Variants in LOXHD1 observed in about 807,000 individuals in gnomAD.
The protein encoded by LOXHD1 is lipoxygenase homology domain-containing protein 1.
LOXHD1 carries 205 observed loss-of-function variants against 248.2 expected under a neutral mutation model. The ratio of observed to expected loss-of-function variants is 0.83; its 90% CI spans 0.74 to 0.93. The LOEUF is 0.93. LOXHD1 is among the 40% of genes least tolerant of loss of function. The probability of loss-of-function intolerance (pLI) is 0.00; values close to 1 mark genes in which losing one functional copy is unlikely to be tolerated. For missense variants in LOXHD1, 2,930 were observed against 2,971.6 expected (o/e 0.99, Z 0.33); for synonymous variants, 1,113 against 1,162.8 (o/e 0.96, Z 0.87).
chr18:46,606,334 A>G (rs982799689), intron 6 of LOXHD1, among the ~76,000 whole-genome samples: 1 of 138,358 alleles, frequency 7.2e-6, no homozygotes, highest in African/African-American at 2.5e-5. Context: ...AGTATACTGT[A>G]TATATATACA....
At chr18:46,496,113 A>G (rs532563321) in intron 37 of LOXHD1, among the ~76,000 whole-genome samples, 1 of 152,354 alleles carries the variant, frequency 6.6e-6, no homozygotes, top group Non-Finnish European at 1.5e-5. Flanking sequence ...CCCAGCAACC[A>G]AAAAGAAAAA....
intron 12 of LOXHD1, among the ~76,000 whole-genome samples, chr18:46,591,486 C>CCACA (rs1391711687): frequency 3.9e-5 from 6 of 152,342 alleles, no homozygotes; most frequent in African/African-American, 4.8e-5. Flanking sequence ...ACATTTAAAG[C>CCACA]TTAGTCCTTC....
Position 46,522,275 on chromosome 18 carries a change from C to T in LOXHD1, c.4911G>A (p.Lys1637=), listed in dbSNP as rs1049390097. 86 of 1,551,740 alleles carry T rather than the reference C, an allele frequency of 5.5e-5. No homozygotes were observed. Among genetic ancestry groups the T allele is most frequent in the Non-Finnish European group, 7.2e-5 (83 of 1,147,024 alleles). The change falls in exon 32 of 41, where the codon AAG becomes AAA. Residue 1637 remains lysine (K), a synonymous_variant. Coordinates refer to ENST00000642948, the MANE Select transcript of LOXHD1 (RefSeq NM_001384474.1). ...IPYYVSVTTG[K]HKDAATDSRA... The stretch of plus-strand genomic sequence containing the variant: ...GGCTGTCAGTGGCCGCGTCCTTGTG[C>T]TTCCCAGTGGTGACTGACACATAGT...
At chr18:46,618,323 A>T (rs781736449) in intron 4 of LOXHD1, 33 bp from the exon 5 acceptor site, 1 of 1,454,946 alleles carries the variant, frequency 6.9e-7, no homozygotes, top group Admixed American at 2.0e-5. Context: ...ACCTTAGCTC[A>T]TCAGGATCCT....
At chr18:46,548,982 C>T (rs2036969303) in intron 21 of LOXHD1, among the ~76,000 whole-genome samples, 1 of 152,194 alleles carries the variant, frequency 6.6e-6, no homozygotes, top group African/African-American at 2.4e-5. Context: ...CTTGTACCGA[C>T]AGAACCAAAG....
intron 2 of LOXHD1, among the ~76,000 whole-genome samples, chr18:46,648,231 C>T (rs1379070142): frequency 6.6e-6 from 1 of 152,132 alleles, no homozygotes; most frequent in Non-Finnish European, 1.5e-5. Context: ...GCACTCCAGC[C>T]TGGGCGACAG....
Position 46,521,245 on chromosome 18 carries a change from A to C in LOXHD1, c.5123T>G (p.Leu1708Arg). 1 of 1,551,740 alleles carries C rather than the reference A, an allele frequency of 6.4e-7. No homozygotes were observed. Residue 1708 changes from leucine (L) to arginine (R), a missense_variant, in exon 33 of 41, where the codon CTG becomes CGG. Transcript: ENST00000642948. ...CACTGCCAAACACAACTCTTCCACC[A>C]GCCAGCAGCTCTCAGGGGAGGCCCC... ...HDGASPESCW[L>R]VEELCLAVPT...
intron 28 of LOXHD1, among the ~76,000 whole-genome samples, chr18:46,530,043 C>T (rs1196951958): frequency 6.6e-6 from 1 of 152,172 alleles, no homozygotes; most frequent in Non-Finnish European, 1.5e-5. Context: ...AAAAATAAAA[C>T]ATCTCCTTTC....
intron 12 of LOXHD1, among the ~76,000 whole-genome samples, chr18:46,590,874 T>G: frequency 2.6e-5 from 1 of 39,170 alleles, no homozygotes; most frequent in Non-Finnish European, 7.9e-5. Flanking sequence ...TCTACACAAA[T>G]ATTCTTCATT....
At chr18:46,560,052 T>TTCCCCCCC in intron 19 of LOXHD1, 31 bp downstream of exon 19, 9 of 441,130 alleles carry the variant, frequency 2.0e-5, no homozygotes, top group Admixed American at 4.1e-5. Context: ...GGCCACTCCC[T>TTCCCCCCC]CCCCACCCCC....
At position 46,572,087 on chromosome 18, in the gene LOXHD1, C is replaced by G. The variant is rs1311975216; in HGVS notation, c.2046G>C (p.Lys682Asn). Residue 682 changes from lysine to asparagine, a missense_variant and splice_region_variant, in exon 15 of 41, where the codon AAG becomes AAC. By Grantham distance (94) the Lys-to-Asn change is moderately conservative. Transcript: ENST00000642948. ...CACCTGGTCATCAGGACAACTCACT[C>G]TTCAGTGTCGCGCTGCTGTCACTGG... ...LLPSDSSATL[K>N]NFRYHISLKT... is the part of the protein sequence containing the mutation. The G allele has an allele frequency of 6.4e-7, 1 of 1,551,778 alleles. No homozygotes were observed. The highest frequency in any genetic ancestry group is 8.7e-7 in the Non-Finnish European group (1 of 1,146,968).
At chr18:46,520,346 T>C in intron 33 of LOXHD1, 2 of 470,958 alleles carry the variant, frequency 4.2e-6, no homozygotes, top group Non-Finnish European at 8.8e-6. Context: ...TTGGTTTTGA[T>C]TCAGTACCAG....
rs1188429275 is a variant in LOXHD1 at position 46,524,853 on chromosome 18, T to A, written c.4595A>T (p.Asp1532Val). 3.9e-6 allele frequency: 6 copies of A among 1,551,770 alleles called. No individual in the cohort carries two copies. The South Asian group carries it at 5.9e-5, about 15-fold the overall frequency. The change falls in exon 30 of 41, where the codon GAC becomes GTC. Residue 1532 changes from aspartate (D) to valine (V), a missense_variant. By Grantham distance (152) the Asp-to-Val change is radical. Transcript: ENST00000642948. Reference protein sequence around the residue: ...GVIYKIKLRHDNSKWCADWYV... With the variant: ...GVIYKIKLRHVNSKWCADWYV... ...CCAGTCTGCGCACCACTTGGAGTTGTCATGGCGGAGCTTGATCTTGTAGAT... is the reference window on the plus strand; with the variant it reads ...CCAGTCTGCGCACCACTTGGAGTTGACATGGCGGAGCTTGATCTTGTAGAT...
chr18:46,601,392 A>G lies in LOXHD1; in HGVS notation c.959T>C (p.Met320Thr), dbSNP rs1227311405. ...AGTKSKIYLV[M>T]YGARGNKNSG... ...GTTCTTATTCCCTCTGGCCCCATAC[A>G]TGACCAAGTAGATTTTGGATTTGGT... Residue 320 changes from methionine (M) to threonine (T), a missense_variant, in exon 8 of 41, where the codon ATG becomes ACG. Coordinates refer to ENST00000642948, the MANE Select transcript of LOXHD1 (RefSeq NM_001384474.1). 1 of 1,551,670 alleles carries G rather than the reference A, an allele frequency of 6.4e-7. No homozygotes were observed. Among genetic ancestry groups the G allele is most frequent in the Admixed American group, 2.0e-5 (1 of 51,002 alleles).
intron 12 of LOXHD1, among the ~76,000 whole-genome samples, chr18:46,587,825 G>T (rs539424363): frequency 2.6e-5 from 4 of 152,236 alleles, no homozygotes; most frequent in South Asian, 4.2e-4. Context: ...GGACAGCCAA[G>T]GTGGAAATAA....
At chr18:46,532,860 C>A (rs961238774) in intron 28 of LOXHD1, among the ~76,000 whole-genome samples, 2 of 152,176 alleles carry the variant, frequency 1.3e-5, no homozygotes, top group Non-Finnish European at 2.9e-5. Context: ...GAGGATAAAC[C>A]AGGAACAGGA....
chr18:46,572,494 C>T (rs1568193907), intron 14 of LOXHD1, among the ~76,000 whole-genome samples: 1 of 152,078 alleles, frequency 6.6e-6, no homozygotes, highest in African/African-American at 2.4e-5. Flanking sequence ...ACAGAGCCCG[C>T]AGGAGTTGAA....
chr18:46,630,041 C>G (rs893364487), intron 4 of LOXHD1, among the ~76,000 whole-genome samples: 2 of 152,144 alleles, frequency 1.3e-5, no homozygotes, highest in African/African-American at 4.8e-5. Context: ...GATTACATGC[C>G]CCCTAGATGG....
At position 46,572,098 on chromosome 18, in the gene LOXHD1, C is replaced by T. The variant is rs779377762; in HGVS notation, c.2035G>A (p.Ala679Thr). Residue 679 changes from alanine (A) to threonine (T), a missense_variant, in exon 15 of 41, where the codon GCG becomes ACG. Transcript: ENST00000642948. ...CAGGACAACTCACTCTTCAGTGTCG[C>T]GCTGCTGTCACTGGGTAGCAACTCT... is the stretch of plus-strand genomic sequence containing the variant. Reference protein sequence around the residue: ...VRELLPSDSSATLKNFRYHIS... With the variant: ...VRELLPSDSSTTLKNFRYHIS... The T allele has an allele frequency of 1.6e-5, 25 of 1,551,656 alleles. No homozygotes were observed. Among genetic ancestry groups the T allele is most frequent in the South Asian group, 2.4e-5 (2 of 84,064 alleles).
Sources: gnomAD v4.1 joint callset for allele counts (sites outside exome capture counted in the v4.1 genomes callset) on GRCh38, gnomAD v4.1.1 for gene constraint, MANE v1.5 for transcripts, NCBI Gene and HGNC (gene_info 2026-07-23, HGNC 2026-07-21) for gene names.